The following PLXND1 variants were observed in gnomAD, a reference collection of about 807,000 sequenced individuals.
The protein encoded by PLXND1 is plexin-D1.
Under a neutral mutation model 197.7 loss-of-function variants are expected in PLXND1, and 54 were observed. The observed-to-expected ratio is 0.27, with a 90% CI of 0.22 to 0.34. The LOEUF (loss-of-function observed/expected upper bound fraction) is 0.34. PLXND1 is among the 10% of genes least tolerant of loss of function. PLXND1 has a pLI of 1.00. For synonymous variants in PLXND1, 1,180 were observed against 1,161.2 expected, an observed-to-expected ratio of 1.02 and a Z score of -0.33; for missense variants, 2,127 against 2,699.2, an observed-to-expected ratio of 0.79 and a Z score of 4.70.
intron 8 of PLXND1, among the ~76,000 whole-genome samples, chr3:129,583,021 A>G (rs1445442348): frequency 6.6e-6 from 1 of 152,130 alleles, no homozygotes; most frequent in African/African-American, 2.4e-5. Context: ...TCGTGCAGAA[A>G]CCCAGGCAGG....
At chr3:129,566,481 G>T (rs781229385) in intron 23 of PLXND1, 46 bp downstream of exon 23, 3 of 1,142,348 alleles carry the variant, frequency 2.6e-6, no homozygotes, top group South Asian at 1.2e-5. Flanking sequence ...GGGGGAGCAG[G>T]GTTGCCCTGA....
intron 27 of PLXND1, among the ~76,000 whole-genome samples, chr3:129,562,238 C>T (rs764258577): frequency 7.3e-5 from 11 of 151,144 alleles, no homozygotes; most frequent in African/African-American, 1.5e-4. Context: ...CCAGGCCCCG[C>T]GCGGTGGCTC....
At chr3:129,601,504 G>A (rs1314840531) in intron 1 of PLXND1, among the ~76,000 whole-genome samples, 1 of 152,164 alleles carries the variant, frequency 6.6e-6, no homozygotes, top group African/African-American at 2.4e-5. Flanking sequence ...CAAAGGCCTG[G>A]CTGAGCTGCC....
intron 27 of PLXND1, 140 bp downstream of exon 27, chr3:129,562,647 C>T (rs906494787): frequency 3.9e-5 from 28 of 716,340 alleles, no homozygotes; most frequent in Middle Eastern, 4.0e-4. Flanking sequence ...GAGCTTCTTG[C>T]TGAGGGGGCC....
intron 12 of PLXND1, 103 bp from the exon 13 acceptor site, chr3:129,573,848 C>T: frequency 7.7e-7 from 1 of 1,303,808 alleles, no homozygotes. Context: ...CCGTGCAGAC[C>T]CACTGCTTAG....
chr3:129,581,125 T>C (rs1261060979), intron 8 of PLXND1, among the ~76,000 whole-genome samples: 3 of 152,046 alleles, frequency 2.0e-5, no homozygotes, highest in Non-Finnish European at 2.9e-5. Context: ...CAGGGACACT[T>C]CTCCCGGCTC....
chr3:129,580,480 C>T (rs1052624099), intron 8 of PLXND1, among the ~76,000 whole-genome samples: 2 of 152,146 alleles, frequency 1.3e-5, no homozygotes, highest in Non-Finnish European at 2.9e-5. Context: ...GTCTGCTTTG[C>T]GGCTGGCTGG....
At position 129,574,221 on chromosome 3, in the gene PLXND1, A is replaced by G. The variant is rs1421800985; in HGVS notation, c.2685+115T>C. The G allele has an allele frequency of 3.3e-6, 3 of 897,432 alleles. No homozygotes were observed. In the African/African-American group the frequency reaches 5.0e-5, roughly 15 times the overall value. The allele number at this position is 897,432 out of a possible 1,614,324, so 55.6% of individuals were successfully genotyped here. ...TCCTTTTGTTCACAGGTGATACTGCACCCATGTGTCGGTGTATGTGCCGTT... is the reference window on the plus strand; with the variant it reads ...TCCTTTTGTTCACAGGTGATACTGCGCCCATGTGTCGGTGTATGTGCCGTT... On this transcript the variant is annotated intron_variant, in intron 12 of 35. Transcript: ENST00000324093.
Position 129,560,412 on chromosome 3 carries a change from G to A in PLXND1, c.5051C>T (p.Ala1684Val), listed in dbSNP as rs199508041. ...CTGCCGGTGAGACTTCTTGGGCTCC[G>A]CCAGCTCGTCCGTAGGCAGCACCTG... ...FHLVLPTDEL[A>V]EPKKSHRQSH... The change falls in exon 31 of 36, where the codon GCG (alanine) becomes GTG (valine). Residue 1684 changes from alanine to valine, a missense_variant. Coordinates refer to ENST00000324093, the MANE Select transcript of PLXND1 (RefSeq NM_015103.3). 106 of 1,613,372 alleles carry A rather than the reference G, an allele frequency of 6.6e-5. No individual in the cohort carries two copies. The African/African-American group carries it at 9.1e-4, about 14-fold the overall frequency.
intron 8 of PLXND1, among the ~76,000 whole-genome samples, chr3:129,580,898 C>A (rs988431580): frequency 1.3e-5 from 2 of 151,982 alleles, no homozygotes; most frequent in African/African-American, 4.8e-5. Flanking sequence ...CCGTAGTGAC[C>A]ACCTACACCT....
intron 1 of PLXND1, among the ~76,000 whole-genome samples, chr3:129,596,943 T>C (rs1482217233): frequency 2.0e-5 from 3 of 152,140 alleles, no homozygotes; most frequent in Non-Finnish European, 4.4e-5. Flanking sequence ...TCTCTCCAGC[T>C]GCCCACATCC....
Position 129,574,481 on chromosome 3 carries a change from T to C in PLXND1, c.2540A>G (p.Tyr847Cys), listed in dbSNP as rs1315900204. The part of the protein sequence containing the change: ...DSPEPMTVMV[Y>C]NCAMGSPDCS... ...GTCGGGGCTGCCCATGGCACAGTTA[T>C]AGACCATGACTGGGGAGACACGGGG... The change falls in exon 12 of 36, where the codon TAT becomes TGT. Residue 847 changes from tyrosine to cysteine, a missense_variant. Tyr to Cys is a radical substitution (Grantham distance 194). Transcript: ENST00000324093. 1.2e-6 allele frequency: 2 copies of C among 1,612,838 alleles called. No homozygotes were observed. Among genetic ancestry groups the C allele is most frequent in the African/African-American group, 1.3e-5 (1 of 75,054 alleles).
chr3:129,565,292 C>T (rs767629868), intron 25 of PLXND1, 48 bp downstream of exon 25: 24 of 1,541,258 alleles, frequency 1.6e-5, no homozygotes, highest in Non-Finnish European at 2.0e-5. Context: ...CCGCTGAGTC[C>T]CTGCCACGTC....
At chr3:129,581,644 C>T (rs1389761481) in intron 8 of PLXND1, among the ~76,000 whole-genome samples, 1 of 152,186 alleles carries the variant, frequency 6.6e-6, no homozygotes, top group East Asian at 1.9e-4. Context: ...AGGCAGGTCC[C>T]ATTTTATAGA....
At chr3:129,574,942 C>T (rs1289201655) in intron 11 of PLXND1, among the ~76,000 whole-genome samples, 1 of 152,154 alleles carries the variant, frequency 6.6e-6, no homozygotes, top group Admixed American at 6.5e-5. Flanking sequence ...GGCTTCAAAC[C>T]CTCCAAGTAG....
intron 7 of PLXND1, among the ~76,000 whole-genome samples, 189 bp from the exon 8 acceptor site, chr3:129,583,858 T>G (rs2085420003): frequency 6.6e-6 from 1 of 152,170 alleles, no homozygotes; most frequent in African/African-American, 2.4e-5. Flanking sequence ...AAATAGGAGT[T>G]AAAAGAGACA....
chr3:129,566,861 A>T (rs1430709116), intron 22 of PLXND1, among the ~76,000 whole-genome samples: 3 of 152,234 alleles, frequency 2.0e-5, no homozygotes, highest in African/African-American at 7.2e-5. Flanking sequence ...AAGCAGCTCC[A>T]TGTGCAATGG....
chr3:129,563,272 C>G, intron 25 of PLXND1, 32 bp from the exon 26 acceptor site: 1 of 1,573,152 alleles, frequency 6.4e-7, no homozygotes, highest in South Asian at 1.2e-5. Context: ...GGGCCAAGGC[C>G]CCCTCTGTAT....
intron 7 of PLXND1, 146 bp downstream of exon 7, chr3:129,583,979 A>G: frequency 1.5e-6 from 1 of 646,026 alleles, no homozygotes; most frequent in South Asian, 1.8e-5. Flanking sequence ...GAATGAATAA[A>G]TGTGCTGGTG....
Sources: gnomAD v4.1 joint callset for allele counts (sites outside exome capture counted in the v4.1 genomes callset) on GRCh38, gnomAD v4.1.1 for gene constraint, MANE v1.5 for transcripts, NCBI Gene and HGNC (gene_info 2026-07-23, HGNC 2026-07-21) for gene names.